The following RIC8B variants were observed in gnomAD, a reference collection of about 807,000 sequenced individuals.
RIC8B encodes RIC8 guanine nucleotide exchange factor B.
RIC8B carries 16 observed loss-of-function variants against 57.5 expected under a neutral mutation model. The ratio of observed to expected loss-of-function variants is 0.28; its 90% confidence interval spans 0.19 to 0.42. The LOEUF is 0.42. Ranked by LOEUF, RIC8B falls within the 10% of genes least tolerant of loss-of-function variation. RIC8B has a pLI of 1.00. For missense variants in RIC8B, 481 were observed against 677.0 expected (o/e 0.71, Z 3.21); for synonymous variants, 216 against 250.8 (o/e 0.86, Z 1.31).
intron 8 of RIC8B, among the ~76,000 whole-genome samples, chr12:106,861,329 A>G (rs1949924685): frequency 6.6e-6 from 1 of 152,042 alleles, no homozygotes; most frequent in South Asian, 2.1e-4. Flanking sequence ...CTGCAAAATT[A>G]GATACTTTTA....
At chr12:106,815,622 A>G (rs1458392129) in intron 3 of RIC8B, among the ~76,000 whole-genome samples, 1 of 152,212 alleles carries the variant, frequency 6.6e-6, no homozygotes, top group Non-Finnish European at 1.5e-5. Context: ...ATAAGATTTG[A>G]GGGGAAACAA....
At chr12:106,783,062 T>C (rs1322658027) in intron 1 of RIC8B, among the ~76,000 whole-genome samples, 1 of 152,214 alleles carries the variant, frequency 6.6e-6, no homozygotes, top group African/African-American at 2.4e-5. Context: ...AGCCAACTTA[T>C]TCTGTCTTCT....
intron 9 of RIC8B, among the ~76,000 whole-genome samples, chr12:106,873,453 C>T (rs1436950773): frequency 6.6e-6 from 1 of 152,106 alleles, no homozygotes; most frequent in African/African-American, 2.4e-5. Context: ...ATTCTTTATG[C>T]GTCTTACATG....
intron 9 of RIC8B, among the ~76,000 whole-genome samples, chr12:106,885,310 AAGG>A (rs1018795425): frequency 1.1e-4 from 16 of 152,076 alleles, no homozygotes; most frequent in African/African-American, 3.1e-4. Flanking sequence ...GTTTTTTAGA[AAGG>A]AGGAGGAGGA....
chr12:106,802,532 G>T (rs1015829539), intron 2 of RIC8B, among the ~76,000 whole-genome samples: 6 of 131,688 alleles, frequency 4.6e-5, no homozygotes, highest in East Asian at 2.4e-4. Context: ...TACAATATGA[G>T]AATTTTTTTT....
intron 2 of RIC8B, 21 bp from the exon 3 acceptor site, chr12:106,814,675 A>C (rs760205486): frequency 5.1e-6 from 8 of 1,557,752 alleles, no homozygotes; most frequent in African/African-American, 1.4e-5. Context: ...TGATTTTTGC[A>C]TACTCGTTCT....
chr12:106,878,849 AT>A (rs1251729034), intron 9 of RIC8B: 3 of 333,790 alleles, frequency 9.0e-6, no homozygotes, highest in African/African-American at 6.7e-5. Context: ...TTCTTTTCTA[AT>A]CATAGAACAA....
chr12:106,868,099 T>C (rs1950216599), intron 8 of RIC8B, among the ~76,000 whole-genome samples: 1 of 152,226 alleles, frequency 6.6e-6, no homozygotes. Flanking sequence ...CACCAAGCTC[T>C]TAAGAGAACC....
intron 2 of RIC8B, among the ~76,000 whole-genome samples, chr12:106,794,059 C>T (rs898353861): frequency 6.6e-6 from 1 of 152,068 alleles, no homozygotes; most frequent in African/African-American, 2.4e-5. Context: ...AAAGAAGTAA[C>T]AGATGTAATG....
intron 9 of RIC8B, among the ~76,000 whole-genome samples, chr12:106,882,770 C>CATT (rs1160651138): frequency 6.6e-6 from 1 of 152,116 alleles, no homozygotes; most frequent in Non-Finnish European, 1.5e-5. Context: ...TGAGCCCAGG[C>CATT]ATTACGTAGA....
intron 2 of RIC8B, among the ~76,000 whole-genome samples, chr12:106,802,713 TACC>T (rs2044792840): frequency 6.6e-6 from 1 of 152,114 alleles, no homozygotes; most frequent in African/African-American, 2.4e-5. Flanking sequence ...TATCACTAGA[TACC>T]AGTAAAAGAG....
chr12:106,879,215 G>A lies in RIC8B; in HGVS notation c.1572-6689G>A, dbSNP rs1463573532. On this transcript the variant is annotated intron_variant, in intron 9 of 9. Coordinates refer to ENST00000392837, the MANE Select transcript of RIC8B (RefSeq NM_001330145.2). This position sits in a 1 kb window ranked among gnomAD's most constrained non-coding sequence, Gnocchi z 4.9. ...TTAATTATGTCCTGTTTTTCAACAA[G>A]TACACTTGAATTGAATGTTTTGTTT... is the stretch of plus-strand genomic sequence containing the variant. 1.0e-6 allele frequency: 1 copy of A among 985,668 alleles called. No homozygotes were observed. The highest frequency in any genetic ancestry group is 1.7e-5 in the African/African-American group (1 of 57,230). 61.1% of individuals were successfully genotyped at this position (985,668 alleles called of 1,614,324 possible).
intron 8 of RIC8B, among the ~76,000 whole-genome samples, chr12:106,865,752 C>T (rs1357013445): frequency 6.6e-6 from 1 of 152,148 alleles, no homozygotes; most frequent in Non-Finnish European, 1.5e-5. Flanking sequence ...TTAGTGGGAT[C>T]CTTTTAATAT....
intron 2 of RIC8B, among the ~76,000 whole-genome samples, chr12:106,793,799 T>C (rs544617870): frequency 5.3e-5 from 8 of 152,092 alleles, no homozygotes; most frequent in Non-Finnish European, 1.2e-4. Context: ...AGAGAGAGAA[T>C]AGACTGCTAA....
chr12:106,864,966 G>A (rs569377987), intron 8 of RIC8B, among the ~76,000 whole-genome samples: 44 of 152,108 alleles, frequency 2.9e-4, no homozygotes, highest in African/African-American at 9.2e-4. Flanking sequence ...TTTAAGATTC[G>A]TTCATGTTGT....
At chr12:106,869,744 G>C (rs964070161) in intron 8 of RIC8B, among the ~76,000 whole-genome samples, 5 of 152,100 alleles carry the variant, frequency 3.3e-5, no homozygotes, top group African/African-American at 1.2e-4. Context: ...TTTGAGACCA[G>C]CCAGGCCAAC....
At chr12:106,802,875 G>T (rs1015398202) in intron 2 of RIC8B, among the ~76,000 whole-genome samples, 1 of 151,688 alleles carries the variant, frequency 6.6e-6, no homozygotes, top group Non-Finnish European at 1.5e-5. Context: ...GTTATTTTTT[G>T]AAAGGGTTCT....
chr12:106,831,899 A>G (rs1243812363), intron 4 of RIC8B, among the ~76,000 whole-genome samples: 1 of 152,166 alleles, frequency 6.6e-6, no homozygotes, highest in Non-Finnish European at 1.5e-5. Flanking sequence ...TTTGCATGGC[A>G]TGGAGCCACT....
chr12:106,869,182 G>A (rs976946009), intron 8 of RIC8B, among the ~76,000 whole-genome samples: 1 of 152,006 alleles, frequency 6.6e-6, no homozygotes, highest in African/African-American at 2.4e-5. Flanking sequence ...AGAATGGCAA[G>A]ATAGGTTTTG....
Sources: allele counts gnomAD v4.1 joint callset (sites outside exome capture counted in the v4.1 genomes callset), GRCh38; gene constraint gnomAD v4.1.1; non-coding constraint Gnocchi (gnomAD v3.1); transcripts MANE v1.5; gene names NCBI Gene and HGNC (gene_info 2026-07-23, HGNC 2026-07-21).